The following SNX21 variants were observed in gnomAD, a reference collection of about 807,000 sequenced individuals.
SNX21 encodes the protein sorting nexin family member 21.
In SNX21, 36 loss-of-function variants were observed where a neutral mutation model predicts 30.9. That is an observed-to-expected ratio of 1.16 (90% CI 0.89 to 1.54). SNX21 has a LOEUF of 1.54. Ranked by LOEUF, SNX21 falls within the 40% of genes most tolerant of loss-of-function variation. The pLI is 0.00. For synonymous variants in SNX21, 218 were observed against 222.7 expected (o/e 0.98, Z 0.19); for missense variants, 508 against 516.5 (o/e 0.98, Z 0.16).
Position 45,840,809 on chromosome 20 carries a change from A to C in SNX21, c.618A>C (p.Ala206=). The C allele has an allele frequency of 6.2e-7, 1 of 1,613,912 alleles. No individual in the cohort carries two copies. The highest frequency in any genetic ancestry group is 8.5e-7 in the Non-Finnish European group (1 of 1,180,030). The change falls in exon 4 of 4, where the codon GCA becomes GCC. Residue 206 remains alanine (A), a synonymous_variant. Transcript: ENST00000491381. ...AGCGGCTGCGCCGGAATTTTACTGC[A>C]GAGACCATTGCCCGCCGTAGCCGGG... ...PRKRLRRNFT[A]ETIARRSRAF...
rs938309972 is a variant in SNX21, at chr20:45,834,499, T to G, written c.289+31T>G. 7 of 1,565,340 alleles carry G rather than the reference T, an allele frequency of 4.5e-6. No homozygotes were observed. The African/African-American group carries it at 9.5e-5, about 21-fold the overall frequency. On this transcript the variant is annotated intron_variant, in intron 2 of 3. Coordinates refer to ENST00000491381, the MANE Select transcript of SNX21 (RefSeq NM_033421.4). Reference sequence around the variant, plus strand: ...TGCAGGAGGACGGAGGCGGGAACCCTGGGGCTCGATTAGGCCTCCATCCCA... The same window carrying G: ...TGCAGGAGGACGGAGGCGGGAACCCGGGGGCTCGATTAGGCCTCCATCCCA...
chr20:45,839,721 C>A (rs1001347726), intron 3 of SNX21, among the ~76,000 whole-genome samples: 1 of 150,868 alleles, frequency 6.6e-6, no homozygotes, highest in African/African-American at 2.4e-5. Flanking sequence ...GAGACCCCCC[C>A]TCATCTCCAT....
At chr20:45,834,507 G>A in intron 2 of SNX21, 39 bp downstream of exon 2, 3 of 1,550,578 alleles carry the variant, frequency 1.9e-6, no homozygotes, top group Non-Finnish European at 2.6e-6. Flanking sequence ...CCTGGGGCTC[G>A]ATTAGGCCTC....
intron 3 of SNX21, among the ~76,000 whole-genome samples, chr20:45,839,215 T>TA (rs1359729955): frequency 1.3e-5 from 2 of 152,070 alleles, no homozygotes; most frequent in Non-Finnish European, 2.9e-5. Flanking sequence ...GTCCTTTTTT[T>TA]AAAACCAAAC....
chr20:45,842,358 G>T lies in SNX21; in HGVS notation c.*1045G>T, dbSNP rs1984272635. 3 of 1,351,136 alleles carry T rather than the reference G, an allele frequency of 2.2e-6. No homozygotes were observed. The highest frequency in any genetic ancestry group is 3.4e-5 in the Admixed American group (1 of 29,172). 83.7% of individuals were successfully genotyped at this position (1,351,136 alleles called of 1,614,324 possible). A position where few individuals can be genotyped will look rare whatever the true frequency, so the allele number is the denominator to read the frequency against. The stretch of plus-strand genomic sequence containing the variant: ...AAGATCACAGAGGGAGGAGCTCTGA[G>T]AACAGTCTCCTTCAACAGCTCGGCC... On this transcript the variant is annotated 3_prime_UTR_variant, in exon 4 of 4. Coordinates refer to ENST00000491381, the MANE Select transcript of SNX21 (RefSeq NM_033421.4).
At position 45,840,769 on chromosome 20, in the gene SNX21, T is replaced by C; in HGVS notation, c.578T>C (p.Ile193Thr). ...QRQFRGPMAAISFPRKRLRRN... is the reference protein window; with the variant it reads ...QRQFRGPMAATSFPRKRLRRN... ...CAATTCCGGGGCCCAATGGCTGCCATCTCCTTCCCCCGTAAGCGGCTGCGC... is the reference window on the plus strand; with the variant it reads ...CAATTCCGGGGCCCAATGGCTGCCACCTCCTTCCCCCGTAAGCGGCTGCGC... The change falls in exon 4 of 4, where the codon ATC (isoleucine) becomes ACC (threonine). Residue 193 changes from isoleucine to threonine, a missense_variant. By Grantham distance (89) the Ile-to-Thr change is moderately conservative (BLOSUM62 -1). Coordinates refer to ENST00000491381, the MANE Select transcript of SNX21 (RefSeq NM_033421.4). The C allele has an allele frequency of 6.2e-7, 1 of 1,614,060 alleles. No homozygotes were observed. The highest frequency in any genetic ancestry group is 8.5e-7 in the Non-Finnish European group (1 of 1,180,038).
chr20:45,834,966 C>T lies in SNX21; in HGVS notation c.297C>T (p.Ser99=). Residue 99 remains serine, a synonymous_variant, in exon 3 of 4, where the codon AGC becomes AGT. Coordinates refer to ENST00000491381, the MANE Select transcript of SNX21 (RefSeq NM_033421.4). ...DGTSGEDAER[S]PPPDGQWGSQ... is the part of the protein sequence containing the mutation. The stretch of plus-strand genomic sequence containing the variant: ...CTGGTCATGTGTCTGCAGAACGGAG[C>T]CCCCCACCTGATGGGCAGTGGGGCA... 1 of 1,613,386 alleles carries T rather than the reference C, an allele frequency of 6.2e-7. No individual in the cohort carries two copies. Among genetic ancestry groups the T allele is most frequent in the Non-Finnish European group, 8.5e-7 (1 of 1,179,642 alleles).
At chr20:45,839,293 A>C (rs1371810318) in intron 3 of SNX21, among the ~76,000 whole-genome samples, 1 of 152,112 alleles carries the variant, frequency 6.6e-6, no homozygotes, top group East Asian at 1.9e-4. Flanking sequence ...AGGCGGGCGG[A>C]TCACAAGGTC....
At chr20:45,837,331 G>A (rs944766844) in intron 3 of SNX21, among the ~76,000 whole-genome samples, 1 of 152,206 alleles carries the variant, frequency 6.6e-6, no homozygotes, top group Non-Finnish European at 1.5e-5. Context: ...AGGTTTTGCA[G>A]GCAATATGTT....
chr20:45,834,025 T>TG (rs1212362535), intron 1 of SNX21, 85 bp downstream of exon 1: 2 of 1,423,468 alleles, frequency 1.4e-6, no homozygotes, highest in Non-Finnish European at 9.2e-7. Context: ...CTGAGTGGGT[T>TG]GGGGGGAAAG....
Position 45,833,895 on chromosome 20 carries a change from C to T in SNX21, c.-25C>T. On this transcript the variant is annotated 5_prime_UTR_variant, in exon 1 of 4. Transcript: ENST00000491381. ...TGGGCTGCGGGGGGCTGCACCCGGA[C>T]CCCTGGGGCGCGGCGCGCCCCTGAA... 14 of 1,377,860 alleles carry T rather than the reference C, an allele frequency of 1.0e-5. No homozygotes were observed. Among genetic ancestry groups the T allele is most frequent in the East Asian group, 9.0e-5 (3 of 33,308 alleles). The allele number at this position is 1,377,860 out of a possible 1,614,324, so 85.4% of individuals were successfully genotyped here. A position where few individuals can be genotyped will look rare whatever the true frequency, so the allele number is the denominator to read the frequency against.
chr20:45,833,985 AG>A, intron 1 of SNX21, 45 bp downstream of exon 1: 1 of 1,434,268 alleles, frequency 7.0e-7, no homozygotes, highest in Non-Finnish European at 9.1e-7. Flanking sequence ...GAGGGTCCTG[AG>A]CCCCTCCGGG....
Position 45,834,288 on chromosome 20 carries a change from G to A in SNX21, c.109G>A (p.Glu37Lys). The change falls in exon 2 of 4, where the codon GAG becomes AAG. Residue 37 changes from glutamate to lysine, a missense_variant. Coordinates refer to ENST00000491381, the MANE Select transcript of SNX21 (RefSeq NM_033421.4). ...GGAGGCGGCGGCCAGTCCAGAGGCCGAGCAGTTTCCGGAGAGCTCAGAGCT... is the reference window on the plus strand; with the variant it reads ...GGAGGCGGCGGCCAGTCCAGAGGCCAAGCAGTTTCCGGAGAGCTCAGAGCT... ...PGEAAASPEA[E>K]QFPESSELED... The A allele has an allele frequency of 1.3e-6, 2 of 1,592,738 alleles. No homozygotes were observed. The highest frequency in any genetic ancestry group is 1.3e-5 in the African/African-American group (1 of 74,980).
At chr20:45,835,994 C>G (rs1983491131) in intron 3 of SNX21, among the ~76,000 whole-genome samples, 1 of 152,188 alleles carries the variant, frequency 6.6e-6, no homozygotes, top group Admixed American at 6.5e-5. Flanking sequence ...GCTGAGCTGG[C>G]CACTCCTGTC....
At position 45,834,954 on chromosome 20, in the gene SNX21, T is replaced by C. The variant is rs745606250; in HGVS notation, c.290-5T>C. On this transcript the variant is annotated splice_polypyrimidine_tract_variant and splice_region_variant and intron_variant, in intron 2 of 3. Coordinates refer to ENST00000491381, the MANE Select transcript of SNX21 (RefSeq NM_033421.4). ...CCATTGATATGACTGGTCATGTGTCTGCAGAACGGAGCCCCCCACCTGATG... is the reference window on the plus strand; with the variant it reads ...CCATTGATATGACTGGTCATGTGTCCGCAGAACGGAGCCCCCCACCTGATG... 1.9e-6 allele frequency: 3 copies of C among 1,612,698 alleles called. No homozygotes were observed. The highest frequency in any genetic ancestry group is 2.5e-6 in the Non-Finnish European group (3 of 1,179,296).
chr20:45,840,567 GA>G (rs2145748079), intron 3 of SNX21, 71 bp from the exon 4 acceptor site: 1 of 1,610,690 alleles, frequency 6.2e-7, no homozygotes, highest in East Asian at 2.2e-5. Flanking sequence ...GAGTGTGGGG[GA>G]TGGGGAAGGA....
Position 45,841,130 on chromosome 20 carries a change from TG to T in SNX21, c.943del (p.Asp315ThrfsTer69). On this transcript the variant is annotated frameshift_variant, in exon 4 of 4. Transcript: ENST00000491381. LOFTEE classifies it high-confidence loss of function. Reference protein sequence around the residue: ...ACCEKALQLLGDKSLHPLLAP... With the variant: ...ACCEKALQLLXDKSLHPLLAP... ...GCTGTGAGAAGGCCCTGCAGCTGCTTGGGGACAAGAGCCTCCACCCTTTGCT... is the reference window on the plus strand; with the variant it reads ...GCTGTGAGAAGGCCCTGCAGCTGCTTGGGACAAGAGCCTCCACCCTTTGCT... 1 of 1,612,046 alleles carries T rather than the reference TG, an allele frequency of 6.2e-7. No homozygotes were observed. Among genetic ancestry groups the T allele is most frequent in the Non-Finnish European group, 8.5e-7 (1 of 1,179,372 alleles).
intron 3 of SNX21, chr20:45,840,385 C>A: frequency 1.9e-6 from 3 of 1,614,148 alleles, no homozygotes; most frequent in Admixed American, 1.7e-5. Context: ...GCAGCAGCCC[C>A]GGGCACTGAA....
chr20:45,835,182 A>C, intron 3 of SNX21, 66 bp downstream of exon 3: 4 of 1,508,400 alleles, frequency 2.7e-6, no homozygotes, highest in South Asian at 1.3e-5. Context: ...AGTAGGGAAG[A>C]CCCCAACTTC....
Sources: gnomAD v4.1 joint callset for allele counts (sites outside exome capture counted in the v4.1 genomes callset) on GRCh38, gnomAD v4.1.1 for gene constraint, MANE v1.5 for transcripts, NCBI Gene and HGNC (gene_info 2026-07-23, HGNC 2026-07-21) for gene names.